Variants in TGFBR3 observed in about 807,000 individuals in gnomAD.
TGFBR3 encodes the protein transforming growth factor beta receptor type 3.
Under a neutral mutation model 87.9 loss-of-function variants are expected in TGFBR3, and 46 were observed. The observed-to-expected ratio is 0.52, with a 90% confidence interval of 0.41 to 0.67. The LOEUF is 0.67. Among genes scored for constraint, TGFBR3 ranks in the 30% least tolerant of loss-of-function variants. The pLI, the probability that TGFBR3 is intolerant of heterozygous loss-of-function variation, is 0.00. For synonymous variants in TGFBR3, 381 were observed against 391.6 expected (o/e 0.97, Z 0.32); for missense variants, 866 against 1,041.9 (o/e 0.83, Z 2.32).
intron 3 of TGFBR3, among the ~76,000 whole-genome samples, chr1:91,772,842 T>C (rs987414788): frequency 6.6e-6 from 1 of 152,004 alleles, no homozygotes; most frequent in African/African-American, 2.4e-5. Context: ...TTTCAGACAA[T>C]TTTAGGTCAG....
Position 91,722,132 on chromosome 1 carries a change from T to C in TGFBR3, c.898A>G (p.Ile300Val), listed in dbSNP as rs1672391421. Residue 300 changes from isoleucine to valine, a missense_variant, in exon 8 of 17, where the codon ATT becomes GTT. Transcript: ENST00000212355. ...CTTTCACTCTCTTTTCCAAAGCCAA[T>C]ACTGTTAGGAGCCTGAAGATATAGC... ...GSLKIIAPNSIGFGKESERSM... is the reference protein window; with the variant it reads ...GSLKIIAPNSVGFGKESERSM... The C allele has an allele frequency of 3.1e-6, 5 of 1,613,838 alleles. No homozygotes were observed. The highest frequency in any genetic ancestry group is 4.5e-5 in the East Asian group (2 of 44,812).
chr1:91,719,487 C>A, intron 9 of TGFBR3, 23 bp from the exon 10 acceptor site: 1 of 1,613,740 alleles, frequency 6.2e-7, no homozygotes, highest in Non-Finnish European at 8.5e-7. Flanking sequence ...CCACCAAAGA[C>A]ATGGTTGGAG....
chr1:91,840,985 A>G (rs1392302764), intron 2 of TGFBR3, among the ~76,000 whole-genome samples: 1 of 152,034 alleles, frequency 6.6e-6, no homozygotes, highest in East Asian at 1.9e-4. Flanking sequence ...TAATTTTTGT[A>G]TTTTTAGTAG....
At chr1:91,789,407 T>C in intron 3 of TGFBR3, among the ~76,000 whole-genome samples, 1 of 152,204 alleles carries the variant, frequency 6.6e-6, no homozygotes, top group Non-Finnish European at 1.5e-5. Flanking sequence ...AAATCGGCAT[T>C]ACCTCATTCT....
At chr1:91,740,835 G>A (rs1673135677) in intron 4 of TGFBR3, among the ~76,000 whole-genome samples, 1 of 152,188 alleles carries the variant, frequency 6.6e-6, no homozygotes, top group South Asian at 2.1e-4. Context: ...CTGGCTTGTA[G>A]AAGAACATAG....
At chr1:91,835,759 C>T (rs987217272) in intron 2 of TGFBR3, among the ~76,000 whole-genome samples, 10 of 136,574 alleles carry the variant, frequency 7.3e-5, no homozygotes, top group Non-Finnish European at 1.4e-4. Context: ...ACCCGGAAGG[C>T]GGAGCTTGCA....
At position 91,893,018 on chromosome 1, in the gene TGFBR3, C is replaced by A. The variant is rs185140882; in HGVS notation, c.-114+6619G>T. 3.3e-5 allele frequency among the ~76,000 whole-genome samples: 5 copies of A among 152,240 alleles called. No individual in the cohort carries two copies. In the East Asian group the frequency reaches 9.7e-4, roughly 29 times the overall value. ...GAAAACAACCTCATTGACTTCATTT[C>A]AACAAGTAGAAGAAATGCTGAAAGT... is the stretch of plus-strand genomic sequence containing the variant. On this transcript the variant is annotated intron_variant, in intron 2 of 17. Transcript: ENST00000370399.
rs970912815 is a variant in TGFBR3 at position 91,709,950 on chromosome 1, G to A, written c.2167-1167C>T. Among the ~76,000 whole-genome samples, 26 of 151,926 alleles carry A rather than the reference G, an allele frequency of 1.7e-4. 1 individual carries two copies. Among genetic ancestry groups the A allele is most frequent in the Admixed American group, 1.4e-3 (22 of 15,246 alleles). Reference sequence around the variant, plus strand: ...CTAATATATATATAGTAGTGACAGGGGTCTCACTATGCTGACCAGGCTGGT... The same window carrying A: ...CTAATATATATATAGTAGTGACAGGAGTCTCACTATGCTGACCAGGCTGGT... On this transcript the variant is annotated intron_variant, in intron 13 of 16. Transcript: ENST00000212355.
At chr1:91,731,953 C>T (rs1359625817) in intron 5 of TGFBR3, among the ~76,000 whole-genome samples, 5 of 152,148 alleles carry the variant, frequency 3.3e-5, no homozygotes. Context: ...GTGGTTTCTC[C>T]CCCGCTCCCC....
intron 4 of TGFBR3, 81 bp from the exon 5 acceptor site, chr1:91,735,040 G>A (rs12124904): frequency 0.31 from 475,080 of 1,521,226 alleles, 77,437 homozygotes; most frequent in African/African-American, 0.5. Flanking sequence ...TTCTCAAATC[G>A]AAGTGCTTGT....
Position 91,825,115 on chromosome 1 carries a change from G to C in TGFBR3, c.62-27644C>G, listed in dbSNP as rs1676585500. On this transcript the variant is annotated intron_variant, in intron 2 of 16. Transcript: ENST00000212355. Reference sequence around the variant, plus strand: ...AAACATAAGGATGTGCTTGACTCTGGCCTTGGCCAAAGCCATACTTCCCAG... The same window carrying C: ...AAACATAAGGATGTGCTTGACTCTGCCCTTGGCCAAAGCCATACTTCCCAG... Among the ~76,000 whole-genome samples the C allele has an allele frequency of 2.0e-5, 3 of 152,284 alleles. No homozygotes were observed. In the South Asian group the frequency reaches 6.2e-4, roughly 32 times the overall value.
chr1:91,707,996 C>G (rs1455692978), intron 14 of TGFBR3, among the ~76,000 whole-genome samples: 1 of 152,222 alleles, frequency 6.6e-6, no homozygotes, highest in Non-Finnish European at 1.5e-5. Flanking sequence ...CATGCCAGGT[C>G]TGGCTCTGCC....
At chr1:91,814,830 G>A (rs915798876) in intron 2 of TGFBR3, among the ~76,000 whole-genome samples, 4 of 152,140 alleles carry the variant, frequency 2.6e-5, no homozygotes, top group South Asian at 2.1e-4. Context: ...ATAAATAAAC[G>A]GGCAAATAAA....
At chr1:91,756,023 C>T (rs1673729370) in intron 4 of TGFBR3, among the ~76,000 whole-genome samples, 1 of 152,190 alleles carries the variant, frequency 6.6e-6, no homozygotes, top group Non-Finnish European at 1.5e-5. Context: ...AGATAACAGC[C>T]CTATGATGCA....
In TGFBR3 at chr1:91,805,304, T is replaced by C. The variant is rs552937711; in HGVS notation, c.62-7833A>G. Among the ~76,000 whole-genome samples the C allele has an allele frequency of 7.2e-5, 11 of 152,284 alleles. No individual in the cohort carries two copies. The South Asian group carries it at 2.3e-3, about 32-fold the overall frequency. On this transcript the variant is annotated intron_variant, in intron 2 of 16. Coordinates refer to ENST00000212355, the MANE Select transcript of TGFBR3 (RefSeq NM_003243.5). ...CTCCCAAAGAAATCTAACTTTTCCT[T>C]GGACTCAAAGTGTGAGCTGAGTTTA...
At chr1:91,881,804 C>G (rs1480768218) in intron 1 of TGFBR3, among the ~76,000 whole-genome samples, 3 of 152,048 alleles carry the variant, frequency 2.0e-5, no homozygotes, top group Non-Finnish European at 4.4e-5. Context: ...CTTTGGGAGG[C>G]CGAGGCGGGT....
chr1:91,702,490 C>T (rs1671655820), intron 14 of TGFBR3, among the ~76,000 whole-genome samples: 1 of 151,526 alleles, frequency 6.6e-6, no homozygotes, highest in South Asian at 2.1e-4. Flanking sequence ...ACTAAAAATA[C>T]AAAAAATAAA....
At chr1:91,781,182 C>T (rs1432507334) in intron 3 of TGFBR3, among the ~76,000 whole-genome samples, 1 of 152,172 alleles carries the variant, frequency 6.6e-6, no homozygotes, top group African/African-American at 2.4e-5. Flanking sequence ...TTTGTTGCCA[C>T]ATGTAATAAT....
chr1:91,836,722 G>C (rs1677082132), intron 2 of TGFBR3, among the ~76,000 whole-genome samples: 1 of 152,112 alleles, frequency 6.6e-6, no homozygotes, highest in African/African-American at 2.4e-5. Flanking sequence ...GTAGAAGTTA[G>C]TTCAGCTTCC....
Sources: allele counts gnomAD v4.1 joint callset (sites outside exome capture counted in the v4.1 genomes callset), GRCh38; gene constraint gnomAD v4.1.1; transcripts MANE v1.5; gene names NCBI Gene and HGNC (gene_info 2026-07-23, HGNC 2026-07-21).